MAGI2: variants seen among roughly 807,000 people sequenced by gnomAD.
MAGI2 encodes the protein membrane-associated guanylate kinase, WW and PDZ domain-containing protein 2.
A neutral mutation model predicts 133.3 loss-of-function variants in MAGI2; 35 were observed. That is an observed-to-expected ratio of 0.26 (90% CI 0.20 to 0.35). The LOEUF is 0.35. MAGI2 is among the 10% of genes least tolerant of loss of function. The pLI is 1.00. For missense variants in MAGI2, 1,636 were observed against 1,863.4 expected (o/e 0.88, Z 2.25); for synonymous variants, 729 against 710.6 (o/e 1.03, Z -0.41).
Position 78,948,199 on chromosome 7 carries a change from T to G in MAGI2, c.418+58891A>C, listed in dbSNP as rs1204868140. 2.0e-5 allele frequency among the ~76,000 whole-genome samples: 3 copies of G among 152,096 alleles called. No individual in the cohort carries two copies. In the East Asian group the frequency reaches 5.8e-4, roughly 29 times the overall value. ...GAAAATTAAATATATGTTATTGACA[T>G]ATTTTGAACACCTGAGTCACTTCAT... On this transcript the variant is annotated intron_variant, in intron 2 of 21. Coordinates refer to ENST00000354212, the MANE Select transcript of MAGI2 (RefSeq NM_012301.4).
At chr7:79,049,775 T>C (rs1396571131) in intron 1 of MAGI2, among the ~76,000 whole-genome samples, 1 of 152,116 alleles carries the variant, frequency 6.6e-6, no homozygotes, top group Non-Finnish European at 1.5e-5. Context: ...ATAACACTCA[T>C]ATGTAGAATT....
intron 1 of MAGI2, among the ~76,000 whole-genome samples, chr7:79,229,251 C>T (rs1831143616): frequency 6.6e-6 from 1 of 152,040 alleles, no homozygotes. Flanking sequence ...TGATATCTCA[C>T]ATATCTTTGA....
intron 9 of MAGI2, among the ~76,000 whole-genome samples, chr7:78,312,783 C>CT (rs1798819853): frequency 6.6e-6 from 1 of 151,888 alleles, no homozygotes; most frequent in Non-Finnish European, 1.5e-5. Context: ...AGCAATCCCA[C>CT]TCAAGGGTAT....
chr7:78,277,230 T>C (rs1795141529), intron 9 of MAGI2, among the ~76,000 whole-genome samples: 2 of 152,288 alleles, frequency 1.3e-5, no homozygotes, highest in East Asian at 3.9e-4. Flanking sequence ...TAAACTATGA[T>C]TTAGCAAGGA....
At chr7:78,463,771 T>C (rs1271386916) in intron 6 of MAGI2, among the ~76,000 whole-genome samples, 1 of 152,206 alleles carries the variant, frequency 6.6e-6, no homozygotes, top group Non-Finnish European at 1.5e-5. Context: ...ATTTTTCATG[T>C]CTACTATGCA....
chr7:78,269,794 C>A (rs560218034), intron 9 of MAGI2, among the ~76,000 whole-genome samples: 160 of 152,266 alleles, frequency 1.1e-3, no homozygotes, highest in Middle Eastern at 6.8e-3. Context: ...TCAATTTTGG[C>A]TTTTGTTGCC....
At chr7:79,207,330 C>T (rs147340359) in intron 1 of MAGI2, among the ~76,000 whole-genome samples, 2 of 151,848 alleles carry the variant, frequency 1.3e-5, no homozygotes, top group African/African-American at 4.8e-5. Flanking sequence ...CCTACAGATG[C>T]CTCCAAAAAG....
rs1010430326 is a variant in MAGI2 at position 79,214,540 on chromosome 7, A to T, written c.302-207334T>A. 2.1e-5 allele frequency among the ~76,000 whole-genome samples: 3 copies of T among 141,342 alleles called. No individual in the cohort carries two copies. In the East Asian group the frequency reaches 6.0e-4, roughly 28 times the overall value. 92.7% of individuals were successfully genotyped at this position (141,342 alleles called of 152,430 possible). A position where few individuals can be genotyped will look rare whatever the true frequency, so the allele number is the denominator to read the frequency against. ...TACAGTACACCAAAATGATAAGAGG[A>T]AACATGGGAATTTAAACTGATTTTA... On this transcript the variant is annotated intron_variant, in intron 1 of 21. Coordinates refer to ENST00000354212, the MANE Select transcript of MAGI2 (RefSeq NM_012301.4).
At chr7:78,272,559 T>C (rs1794688541) in intron 9 of MAGI2, among the ~76,000 whole-genome samples, 1 of 152,140 alleles carries the variant, frequency 6.6e-6, no homozygotes, top group African/African-American at 2.4e-5. Context: ...CTCCCGTTAT[T>C]ATTGTGTGAG....
At chr7:78,300,903 G>A (rs191322179) in intron 9 of MAGI2, among the ~76,000 whole-genome samples, 320 of 152,244 alleles carry the variant, frequency 2.1e-3, no homozygotes, top group Non-Finnish European at 3.4e-3. Context: ...ATTGGGAGGC[G>A]TGCTTATTAC....
intron 1 of MAGI2, among the ~76,000 whole-genome samples, chr7:79,111,573 A>T (rs1176920789): frequency 1.3e-5 from 2 of 152,190 alleles, no homozygotes; most frequent in Non-Finnish European, 2.9e-5. Context: ...ACTCGGAAAA[A>T]ATATAAGCAA....
intron 2 of MAGI2, among the ~76,000 whole-genome samples, chr7:78,924,833 C>CATT (rs971840903): frequency 3.3e-5 from 5 of 150,338 alleles, no homozygotes; most frequent in Non-Finnish European, 7.4e-5. Context: ...ATCCCTTCTA[C>CATT]ATTATTATTA....
rs114775623 is a variant in MAGI2, at chr7:78,032,170, C to T, written c.3707-12194G>A. On this transcript the variant is annotated intron_variant, in intron 21 of 21. Transcript: ENST00000354212. ...CTGTACTCAGCTTTATCTTTCAAAA[C>T]CCTTTCTTCTCATTCATATCTTTCT... Among the ~76,000 whole-genome samples, 812 of 152,054 alleles carry T rather than the reference C, an allele frequency of 5.3e-3. 9 individuals carry two copies. The highest frequency in any genetic ancestry group is 0.018 in the African/African-American group (757 of 41,448).
intron 2 of MAGI2, among the ~76,000 whole-genome samples, chr7:78,858,934 A>C (rs1453500467): frequency 2.0e-5 from 3 of 152,126 alleles, no homozygotes; most frequent in East Asian, 1.9e-4. Flanking sequence ...TATTGGGTGC[A>C]TATATATTTA....
intron 1 of MAGI2, chr7:79,177,194 A>G (rs1338299675): frequency 1.3e-5 from 2 of 151,994 alleles, no homozygotes; most frequent in Non-Finnish European, 2.9e-5. Context: ...GAAATTAAGG[A>G]TCGTTTTTTC....
intron 15 of MAGI2, among the ~76,000 whole-genome samples, chr7:78,167,594 T>C (rs1825736009): frequency 6.6e-6 from 1 of 152,182 alleles, no homozygotes; most frequent in South Asian, 2.1e-4. Flanking sequence ...AAATGGCATA[T>C]TTTCCATGAC....
chr7:79,038,950 A>G (rs919164711), intron 1 of MAGI2, among the ~76,000 whole-genome samples: 1 of 152,182 alleles, frequency 6.6e-6, no homozygotes, highest in South Asian at 2.1e-4. Flanking sequence ...GATATAAACA[A>G]TTTACTCCAT....
rs576149471 is a variant in MAGI2, at chr7:78,936,766, A to G, written c.418+70324T>C. Among the ~76,000 whole-genome samples, 21 of 152,238 alleles carry G rather than the reference A, an allele frequency of 1.4e-4. 1 individual carries two copies. In the South Asian group the frequency reaches 4.3e-3, roughly 32 times the overall value. On this transcript the variant is annotated intron_variant, in intron 2 of 21. Transcript: ENST00000354212. ...ATAGGTTCCTCTACTGTCAGGGAAA[A>G]TAGTTAAAAATAAGGAAAGAGGGAA... is the stretch of plus-strand genomic sequence containing the variant.
intron 2 of MAGI2, among the ~76,000 whole-genome samples, chr7:78,956,630 A>G (rs1471734690): frequency 6.6e-6 from 1 of 152,170 alleles, no homozygotes; most frequent in Non-Finnish European, 1.5e-5. Flanking sequence ...TTTTGGTAAC[A>G]GTGTAACTTC....
Sources: allele counts gnomAD v4.1 joint callset (sites outside exome capture counted in the v4.1 genomes callset), GRCh38; gene constraint gnomAD v4.1.1; transcripts MANE v1.5; gene names NCBI Gene and HGNC (gene_info 2026-07-23, HGNC 2026-07-21).